RNF214: variants seen among roughly 807,000 people sequenced by gnomAD.
RNF214 encodes ring finger protein 214.
Under a neutral mutation model 75.9 loss-of-function variants are expected in RNF214, and 25 were observed. The ratio of observed to expected loss-of-function variants is 0.33; its 90% CI spans 0.24 to 0.46. The LOEUF is 0.46. RNF214 is among the 20% of genes least tolerant of loss of function. The probability of loss-of-function intolerance (pLI) is 1.00; values close to 1 mark genes in which losing one functional copy is unlikely to be tolerated. For missense variants in RNF214, 725 were observed against 857.5 expected (o/e 0.85, Z 1.93); for synonymous variants, 314 against 308.8 (o/e 1.02, Z -0.18).
At chr11:117,284,147 TG>T (rs2034192238) in intron 14 of RNF214, among the ~76,000 whole-genome samples, 2 of 152,232 alleles carry the variant, frequency 1.3e-5, no homozygotes, top group African/African-American at 4.8e-5. Context: ...ATCTAACTAT[TG>T]TTCAAAATGT....
Position 117,239,811 on chromosome 11 carries a change from A to G in RNF214, c.629A>G (p.Lys210Arg). Reference sequence around the variant, plus strand: ...TTTTTTCCTTTATAGACTGACTTTAAGACAGCTGATTCAGAGGTAAACACA... The same window carrying G: ...TTTTTTCCTTTATAGACTGACTTTAGGACAGCTGATTCAGAGGTAAACACA... ...SQNIAVQTDF[K>R]TADSEVNTDQ... Residue 210 changes from lysine (K) to arginine (R), a missense_variant, in exon 4 of 15, where the codon AAG (lysine) becomes AGG (arginine). Around this residue, in one of 2 missense-constraint regions of RNF214, gnomAD observed 362 missense variants for 344.5 expected, o/e 1.05. Transcript: ENST00000300650. The G allele has an allele frequency of 6.4e-7, 1 of 1,559,858 alleles. No individual in the cohort carries two copies. Among genetic ancestry groups the G allele is most frequent in the Non-Finnish European group, 8.8e-7 (1 of 1,130,858 alleles).
At chr11:117,250,768 G>T (rs1271118302) in intron 6 of RNF214, among the ~76,000 whole-genome samples, 3 of 143,254 alleles carry the variant, frequency 2.1e-5, no homozygotes, top group Non-Finnish European at 4.6e-5. Context: ...GCGGCCTTCC[G>T]CAGTGTTTGT....
At chr11:117,243,082 T>G (rs2033122554) in intron 4 of RNF214, among the ~76,000 whole-genome samples, 1 of 152,248 alleles carries the variant, frequency 6.6e-6, no homozygotes, top group Non-Finnish European at 1.5e-5. Context: ...GTACATGGAC[T>G]AAAGATTAGC....
chr11:117,285,349 G>C lies in RNF214; in HGVS notation c.*198G>C. Reference sequence around the variant, plus strand: ...TATGTATATTATGCAGAAACAGTCTGTTCCCCCTCATCTTGCAATTCCTTT... The same window carrying C: ...TATGTATATTATGCAGAAACAGTCTCTTCCCCCTCATCTTGCAATTCCTTT... On this transcript the variant is annotated 3_prime_UTR_variant, in exon 15 of 15. Coordinates refer to ENST00000300650, the MANE Select transcript of RNF214 (RefSeq NM_207343.4). 2.3e-6 allele frequency: 1 copy of C among 444,242 alleles called. No individual in the cohort carries two copies. The highest frequency in any genetic ancestry group is 4.0e-6 in the Non-Finnish European group (1 of 249,836). The allele number at this position is 444,242 out of a possible 1,614,324, so 27.5% of individuals were successfully genotyped here.
intron 2 of RNF214, among the ~76,000 whole-genome samples, chr11:117,237,885 G>A (rs1445452446): frequency 1.3e-5 from 2 of 152,124 alleles, no homozygotes; most frequent in African/African-American, 4.8e-5. Context: ...TCAAAGATCT[G>A]TATAATGAGT....
intron 6 of RNF214, among the ~76,000 whole-genome samples, chr11:117,274,391 T>TTGCTCTTG (rs1474836721): frequency 8.0e-6 from 1 of 124,758 alleles, no homozygotes; most frequent in Non-Finnish European, 1.6e-5. Context: ...AGATGGAGAC[T>TTGCTCTTG]TGCTCTTGTT....
intron 6 of RNF214, among the ~76,000 whole-genome samples, chr11:117,247,627 T>G (rs1391107324): frequency 6.6e-6 from 1 of 151,918 alleles, no homozygotes; most frequent in Non-Finnish European, 1.5e-5. Context: ...CCGAGGCAGG[T>G]GGATCACGAG....
In RNF214 at chr11:117,260,144, G is replaced by C. The variant is rs528201021; in HGVS notation, c.959+13196G>C. ...GTGTGTTTGTTTTTTTATAGACGAG[G>C]TCTCACTATGATGCCCAGGTTGGAG... On this transcript the variant is annotated intron_variant, in intron 6 of 14. Coordinates refer to ENST00000300650, the MANE Select transcript of RNF214 (RefSeq NM_207343.4). Among the ~76,000 whole-genome samples, 7 of 151,926 alleles carry C rather than the reference G, an allele frequency of 4.6e-5. No homozygotes were observed. The South Asian group carries it at 1.5e-3, about 32-fold the overall frequency.
intron 2 of RNF214, among the ~76,000 whole-genome samples, chr11:117,235,353 C>T (rs185433085): frequency 0.031 from 4,753 of 152,116 alleles, 119 homozygotes; most frequent in South Asian, 0.081. Context: ...CCCGCCACTA[C>T]GCCCGGCTAA....
At position 117,239,786 on chromosome 11, in the gene RNF214, T is replaced by G. The variant is rs776828340; in HGVS notation, c.619-15T>G. 2.1e-6 allele frequency: 3 copies of G among 1,454,062 alleles called. No individual in the cohort carries two copies. The highest frequency in any genetic ancestry group is 1.7e-5 in the Admixed American group (1 of 59,534). 90.1% of individuals were successfully genotyped at this position (1,454,062 alleles called of 1,614,324 possible). A position where few individuals can be genotyped will look rare whatever the true frequency, so the allele number is the denominator to read the frequency against. ...GTCTCTGAACGATTCTAAATATAAC[T>G]TTTTTCCTTTATAGACTGACTTTAA... On this transcript the variant is annotated splice_polypyrimidine_tract_variant and intron_variant, in intron 3 of 14. Transcript: ENST00000300650.
chr11:117,251,460 G>A (rs370154103), intron 6 of RNF214, among the ~76,000 whole-genome samples: 19 of 125,780 alleles, frequency 1.5e-4, no homozygotes, highest in East Asian at 2.6e-4. Context: ...CGGACGGGGC[G>A]GCTGGCCGGG....
Position 117,248,868 on chromosome 11 carries a change from A to G in RNF214, c.959+1920A>G, listed in dbSNP as rs142215346. On this transcript the variant is annotated intron_variant, in intron 6 of 14. Transcript: ENST00000300650. The stretch of plus-strand genomic sequence containing the variant: ...ATATTAAAGTGCAGAAACTGGGAAG[A>G]TGAGTCTATAATGTTATTCTAAGCC... Among the ~76,000 whole-genome samples the G allele has an allele frequency of 1.3e-3, 203 of 152,276 alleles. 1 individual carries two copies. The highest frequency in any genetic ancestry group is 4.7e-3 in the African/African-American group (196 of 41,546).
chr11:117,272,901 G>A (rs955284190), intron 6 of RNF214, among the ~76,000 whole-genome samples: 2 of 151,936 alleles, frequency 1.3e-5, no homozygotes, highest in African/African-American at 4.8e-5. Context: ...ACCCCAAAGA[G>A]GTTTTGTTTA....
intron 4 of RNF214, among the ~76,000 whole-genome samples, chr11:117,240,294 T>G (rs2134358118): frequency 6.7e-6 from 1 of 149,634 alleles, no homozygotes; most frequent in Non-Finnish European, 1.5e-5. Flanking sequence ...CCTGTTCACC[T>G]GAGCCAAGGA....
chr11:117,279,896 C>T lies in RNF214; in HGVS notation c.960-12C>T. On this transcript the variant is annotated splice_polypyrimidine_tract_variant and intron_variant, in intron 6 of 14. Coordinates refer to ENST00000300650, the MANE Select transcript of RNF214 (RefSeq NM_207343.4). ...TCTTCCTTAGTCTTGTTCTTGGTTT[C>T]TTATCTTACAGAGAGGTGTGGGAAA... The T allele has an allele frequency of 1.3e-6, 2 of 1,590,054 alleles. No homozygotes were observed. The highest frequency in any genetic ancestry group is 1.7e-6 in the Non-Finnish European group (2 of 1,165,462).
intron 6 of RNF214, chr11:117,264,045 G>A (rs540922): frequency 0.71 from 110,778 of 155,132 alleles, 41,065 homozygotes; most frequent in East Asian, 0.95. Context: ...TTTTGGGGCC[G>A]GGCGCGGTGG....
chr11:117,280,279 A>G lies in RNF214; in HGVS notation c.1145+20A>G, dbSNP rs1303419750. 7.9e-6 allele frequency: 12 copies of G among 1,515,544 alleles called. No individual in the cohort carries two copies. The highest frequency in any genetic ancestry group is 1.1e-5 in the Non-Finnish European group (12 of 1,093,196). The allele number at this position is 1,515,544 out of a possible 1,614,324, so 93.9% of individuals were successfully genotyped here. A position where few individuals can be genotyped will look rare whatever the true frequency, so the allele number is the denominator to read the frequency against. On this transcript the variant is annotated intron_variant, in intron 8 of 14. Transcript: ENST00000300650. The stretch of plus-strand genomic sequence containing the variant: ...CCTCAAGTAAGTACCTTTCCGTTCT[A>G]GAGCTTTAATTGTTTTGCAGTTTGT...
chr11:117,274,396 C>G (rs963697821), intron 6 of RNF214, among the ~76,000 whole-genome samples: 1 of 115,030 alleles, frequency 8.7e-6, no homozygotes, highest in African/African-American at 3.3e-5. Context: ...GAGACTTGCT[C>G]TTGTTGCCCA....
chr11:117,238,538 G>A, intron 2 of RNF214, 63 bp from the exon 3 acceptor site: 1 of 1,420,070 alleles, frequency 7.0e-7, no homozygotes, highest in Non-Finnish European at 9.5e-7. Context: ...GTCTAGTTTT[G>A]TTCTTCTAGT....
Sources: allele counts gnomAD v4.1 joint callset (sites outside exome capture counted in the v4.1 genomes callset), GRCh38; gene constraint gnomAD v4.1.1; regional missense constraint gnomAD v4.1.1; transcripts MANE v1.5; gene names NCBI Gene and HGNC (gene_info 2026-07-23, HGNC 2026-07-21).